Variants in SNCAIP observed in about 807,000 individuals in gnomAD.
The protein encoded by SNCAIP is synuclein alpha interacting protein.
SNCAIP carries 43 observed loss-of-function variants against 86.7 expected under a neutral mutation model. The observed-to-expected ratio is 0.50, with a 90% CI of 0.39 to 0.64. The LOEUF (loss-of-function observed/expected upper bound fraction) is 0.64, where lower values mean the gene tolerates loss of function less well. Ranked by LOEUF, SNCAIP falls within the 30% of genes least tolerant of loss-of-function variation. The pLI is 0.00. For missense variants in SNCAIP, 981 were observed against 1,103.1 expected, an observed-to-expected ratio of 0.89 and a Z score of 1.57; for synonymous variants, 417 against 427.2, an observed-to-expected ratio of 0.98 and a Z score of 0.29.
intron 1 of SNCAIP, among the ~76,000 whole-genome samples, chr5:122,318,141 A>T (rs911572757): frequency 6.6e-6 from 1 of 152,044 alleles, no homozygotes; most frequent in African/African-American, 2.4e-5. Flanking sequence ...GGGGATGGGT[A>T]GGTGCTGGTA....
At chr5:122,436,276 A>G (rs951325790) in intron 6 of SNCAIP, among the ~76,000 whole-genome samples, 23 of 151,846 alleles carry the variant, frequency 1.5e-4, no homozygotes, top group African/African-American at 5.3e-4. Flanking sequence ...TAAAATGGAG[A>G]TAATAGAACC....
chr5:122,344,129 T>C (rs1281931797), intron 1 of SNCAIP, among the ~76,000 whole-genome samples: 1 of 152,186 alleles, frequency 6.6e-6, no homozygotes, highest in Admixed American at 6.5e-5. Flanking sequence ...TTGAATTGTT[T>C]ATTGTTCTCC....
intron 1 of SNCAIP, among the ~76,000 whole-genome samples, chr5:122,317,951 C>T (rs1370757523): frequency 1.3e-5 from 2 of 151,992 alleles, no homozygotes; most frequent in Admixed American, 1.3e-4. Context: ...TCTCAGCTTT[C>T]AATCCATCCT....
chr5:122,335,226 GA>G (rs1170973785), intron 1 of SNCAIP, among the ~76,000 whole-genome samples: 3 of 152,150 alleles, frequency 2.0e-5, no homozygotes, highest in Non-Finnish European at 4.4e-5. Flanking sequence ...AGAAGTTTGA[GA>G]TGAACAATTG....
chr5:122,445,048 G>A (rs1324971675), intron 8 of SNCAIP: 11 of 392,086 alleles, frequency 2.8e-5, no homozygotes, highest in Non-Finnish European at 1.4e-5. Context: ...AGCGCTGGAA[G>A]CACTCATAGG....
At chr5:122,391,484 C>G (rs1769344193) in intron 2 of SNCAIP, among the ~76,000 whole-genome samples, 1 of 152,212 alleles carries the variant, frequency 6.6e-6, no homozygotes, top group Non-Finnish European at 1.5e-5. Context: ...TTACAAAATG[C>G]AGCCACTTTC....
At chr5:122,343,512 A>G (rs1177987279) in intron 1 of SNCAIP, among the ~76,000 whole-genome samples, 1 of 152,248 alleles carries the variant, frequency 6.6e-6, no homozygotes, top group South Asian at 2.1e-4. Context: ...TAATAATTAT[A>G]TCTTGCTTTC....
In SNCAIP at chr5:122,313,277, A is replaced by G. The variant is rs1046886049; in HGVS notation, c.-47+993A>G. On this transcript the variant is annotated intron_variant, in intron 1 of 10. Transcript: ENST00000261368. ...ATCGGATTCCTCTTGGCTGTTACTG[A>G]CAAGTGCCCATCAAAGAGCCCGGAG... 1.5e-4 allele frequency among the ~76,000 whole-genome samples: 23 copies of G among 152,210 alleles called. 1 individual carries two copies. Among genetic ancestry groups the G allele is most frequent in the Non-Finnish European group, 4.4e-5 (3 of 68,040 alleles).
intron 1 of SNCAIP, among the ~76,000 whole-genome samples, chr5:122,372,474 A>G (rs888860620): frequency 6.6e-6 from 1 of 152,194 alleles, no homozygotes; most frequent in African/African-American, 2.4e-5. Flanking sequence ...ATGATTGACA[A>G]CAGCAAAACC....
At chr5:122,388,854 C>T (rs1768764858) in intron 1 of SNCAIP, 1 of 152,158 alleles carries the variant, frequency 6.6e-6, no homozygotes, top group Admixed American at 6.5e-5. Flanking sequence ...CATGTGGAGG[C>T]CTGCTGGGAA....
At chr5:122,448,305 A>G (rs561836626) in intron 8 of SNCAIP, among the ~76,000 whole-genome samples, 23 of 152,034 alleles carry the variant, frequency 1.5e-4, no homozygotes, top group African/African-American at 5.5e-4. Flanking sequence ...TTACCACAAG[A>G]TTAGTGGCTT....
chr5:122,460,607 G>A (rs1444437458), intron 10 of SNCAIP, among the ~76,000 whole-genome samples: 2 of 151,820 alleles, frequency 1.3e-5, no homozygotes, highest in Non-Finnish European at 2.9e-5. Flanking sequence ...GAATATAGTT[G>A]TATCACTCTC....
intron 1 of SNCAIP, among the ~76,000 whole-genome samples, chr5:122,377,875 T>C (rs1457092362): frequency 6.6e-6 from 1 of 151,906 alleles, no homozygotes; most frequent in African/African-American, 2.4e-5. Context: ...GAACTCATCA[T>C]TTTTTATGGC....
At chr5:122,390,507 G>A (rs947450640) in intron 1 of SNCAIP, among the ~76,000 whole-genome samples, 3 of 152,190 alleles carry the variant, frequency 2.0e-5, no homozygotes, top group African/African-American at 7.2e-5. Flanking sequence ...ATAACTCTGA[G>A]GTTTAAATCT....
chr5:122,387,303 C>T (rs879859638), intron 1 of SNCAIP, among the ~76,000 whole-genome samples: 3 of 151,968 alleles, frequency 2.0e-5, no homozygotes, highest in Admixed American at 6.6e-5. Context: ...GGACTACAGG[C>T]GCCCACCACC....
intron 1 of SNCAIP, chr5:122,389,689 T>G (rs1240134430): frequency 6.6e-6 from 1 of 152,242 alleles, no homozygotes; most frequent in Non-Finnish European, 1.5e-5. Context: ...AGCCTTACTG[T>G]GATTTCAGAA....
intron 10 of SNCAIP, among the ~76,000 whole-genome samples, chr5:122,453,678 C>G (rs1581410846): frequency 6.6e-6 from 1 of 152,192 alleles, no homozygotes; most frequent in East Asian, 1.9e-4. Flanking sequence ...CTTTCATCTC[C>G]CTGTGGGATG....
At chr5:122,365,444 C>T (rs917229224) in intron 1 of SNCAIP, among the ~76,000 whole-genome samples, 7 of 152,184 alleles carry the variant, frequency 4.6e-5, no homozygotes, top group Admixed American at 6.5e-5. Flanking sequence ...TGTGGGAGGC[C>T]GAGGCAGGTG....
At chr5:122,394,203 A>C (rs982548439) in intron 2 of SNCAIP, among the ~76,000 whole-genome samples, 6 of 152,110 alleles carry the variant, frequency 3.9e-5, no homozygotes, top group Non-Finnish European at 2.9e-5. Flanking sequence ...TATGTTTATG[A>C]AAAAGATGCC....
Sources: allele counts gnomAD v4.1 joint callset (sites outside exome capture counted in the v4.1 genomes callset), GRCh38; gene constraint gnomAD v4.1.1; transcripts MANE v1.5; gene names NCBI Gene and HGNC (gene_info 2026-07-23, HGNC 2026-07-21).